Variants in CDR2 observed in about 807,000 individuals in gnomAD.
CDR2 encodes the protein cerebellar degeneration-related protein 2.
In CDR2, 34 loss-of-function variants were observed where a neutral mutation model predicts 48.4. The ratio of observed to expected loss-of-function variants is 0.70; its 90% CI spans 0.53 to 0.94. The LOEUF is 0.94. Ranked by LOEUF, CDR2 falls within the 40% of genes least tolerant of loss-of-function variation. CDR2 has a pLI of 0.00. For missense variants in CDR2, 498 were observed against 549.5 expected (o/e 0.91, Z 0.94); for synonymous variants, 240 against 219.7 (o/e 1.09, Z -0.82).
chr16:22,364,949 C>G lies in CDR2; in HGVS notation c.145G>C (p.Val49Leu), dbSNP rs767233088. 1 of 1,613,768 alleles carries G rather than the reference C, an allele frequency of 6.2e-7. No homozygotes were observed. Among genetic ancestry groups the G allele is most frequent in the Non-Finnish European group, 8.5e-7 (1 of 1,179,658 alleles). ...LDRNTELEDSVQQMYTTNQEQ... is the reference protein window; with the variant it reads ...LDRNTELEDSLQQMYTTNQEQ... The stretch of plus-strand genomic sequence containing the variant: ...TGATTGGTTGTATACATCTGCTGAA[C>G]AGAGTCCTCCAACTCTGTGTTCCGA... The change falls in exon 2 of 5, where the codon GTT (valine) becomes CTT (leucine). Residue 49 changes from valine (V) to leucine (L), a missense_variant. Val to Leu is a conservative substitution (Grantham distance 32, BLOSUM62 1). Transcript: ENST00000268383.
intron 1 of CDR2, chr16:22,368,791 A>G (rs770248172): frequency 3.3e-5 from 5 of 152,220 alleles, no homozygotes; most frequent in Non-Finnish European, 5.9e-5. Flanking sequence ...TGAGGTACTT[A>G]ATTTCTTCTA....
Position 22,374,366 on chromosome 16 carries a change from C to G in CDR2, c.-57G>C, listed in dbSNP as rs1197060341. 4 of 1,294,680 alleles carry G rather than the reference C, an allele frequency of 3.1e-6. No homozygotes were observed. Among genetic ancestry groups the G allele is most frequent in the Non-Finnish European group, 2.2e-6 (2 of 918,886 alleles). 80.2% of individuals were successfully genotyped at this position (1,294,680 alleles called of 1,614,324 possible). ...CGCCGCCGTCCCGCCTCAGCCGCTGCCCCGGGCTCTTCCCCGGCCCCTCCG... is the reference window on the plus strand; with the variant it reads ...CGCCGCCGTCCCGCCTCAGCCGCTGGCCCGGGCTCTTCCCCGGCCCCTCCG... On this transcript the variant is annotated 5_prime_UTR_variant, in exon 1 of 5. Coordinates refer to ENST00000268383, the MANE Select transcript of CDR2 (RefSeq NM_001802.2).
At chr16:22,362,255 G>A (rs1255021133) in intron 2 of CDR2, among the ~76,000 whole-genome samples, 1 of 152,132 alleles carries the variant, frequency 6.6e-6, no homozygotes, top group African/African-American at 2.4e-5. Context: ...TCATTTCCAT[G>A]ACGCTTTGCA....
chr16:22,352,174 C>T (rs747252670), intron 2 of CDR2, among the ~76,000 whole-genome samples: 6 of 152,164 alleles, frequency 3.9e-5, no homozygotes, highest in Non-Finnish European at 7.3e-5. Context: ...ATCTTTTGAA[C>T]GTGGGAGGTG....
intron 1 of CDR2, among the ~76,000 whole-genome samples, chr16:22,370,887 T>C (rs1238080797): frequency 2.6e-5 from 4 of 152,164 alleles, no homozygotes; most frequent in Admixed American, 6.5e-5. Context: ...AAACATTCTA[T>C]AGTTGTAAGA....
chr16:22,362,189 C>G (rs1051323147), intron 2 of CDR2, among the ~76,000 whole-genome samples: 1 of 152,176 alleles, frequency 6.6e-6, no homozygotes, highest in Non-Finnish European at 1.5e-5. Context: ...GCGTGAGCCA[C>G]CGCACCCGGC....
rs964197155 is a variant in CDR2 at position 22,347,290 on chromosome 16, T to C, written c.1040A>G (p.His347Arg). Residue 347 changes from histidine (H) to arginine (R), a missense_variant, in exon 5 of 5, where the codon CAC becomes CGC. By Grantham distance (29) the His-to-Arg change is conservative (BLOSUM62 0). Transcript: ENST00000268383. ...AVKQRGISLL[H>R]EVDTQYSALK... ...GGCGCTGTACTGCGTGTCCACTTCGTGCAGAAGGGAGATGCCCCTCTGTTT... is the reference window on the plus strand; with the variant it reads ...GGCGCTGTACTGCGTGTCCACTTCGCGCAGAAGGGAGATGCCCCTCTGTTT... The C allele has an allele frequency of 3.7e-6, 6 of 1,614,128 alleles. No homozygotes were observed. The highest frequency in any genetic ancestry group is 5.1e-6 in the Non-Finnish European group (6 of 1,180,050).
chr16:22,357,429 G>A (rs2048982386), intron 2 of CDR2, among the ~76,000 whole-genome samples: 1 of 152,176 alleles, frequency 6.6e-6, no homozygotes, highest in Non-Finnish European at 1.5e-5. Context: ...AAAAAATACT[G>A]GCGAACTGGC....
chr16:22,348,789 C>G (rs1306109122), intron 4 of CDR2, among the ~76,000 whole-genome samples: 1 of 152,218 alleles, frequency 6.6e-6, no homozygotes, highest in Admixed American at 6.5e-5. Context: ...ATCTGCCGTT[C>G]CGTTAGACTG....
At position 22,349,270 on chromosome 16, in the gene CDR2, G is replaced by A. The variant is rs2048926079; in HGVS notation, c.506+9C>T. On this transcript the variant is annotated intron_variant, in intron 4 of 4. Coordinates refer to ENST00000268383, the MANE Select transcript of CDR2 (RefSeq NM_001802.2). ...CCTGCTGTAACTCCACAGAAAGGCA[G>A]GCTCTTACTGGCGGAGGTCATACAG... 6.2e-7 allele frequency: 1 copy of A among 1,614,032 alleles called. No individual in the cohort carries two copies. The highest frequency in any genetic ancestry group is 8.5e-7 in the Non-Finnish European group (1 of 1,179,916).
At chr16:22,350,856 GAAAT>G (rs2048937174) in intron 2 of CDR2, among the ~76,000 whole-genome samples, 1 of 152,122 alleles carries the variant, frequency 6.6e-6, no homozygotes, top group Non-Finnish European at 1.5e-5. Context: ...ATGTTTAACA[GAAAT>G]AAAGCCTAAC....
At chr16:22,349,677 C>T in intron 3 of CDR2, 24 bp downstream of exon 3, 1 of 1,612,528 alleles carries the variant, frequency 6.2e-7, no homozygotes, top group Non-Finnish European at 8.5e-7. Context: ...CTAGTCCTTC[C>T]TTGTCAGATT....
chr16:22,352,889 C>T (rs779230247), intron 2 of CDR2, among the ~76,000 whole-genome samples: 2 of 152,132 alleles, frequency 1.3e-5, no homozygotes, highest in African/African-American at 2.4e-5. Context: ...AATTCTCATG[C>T]GTGAAGCTTT....
chr16:22,353,471 G>A (rs2048955701), intron 2 of CDR2, among the ~76,000 whole-genome samples: 1 of 152,154 alleles, frequency 6.6e-6, no homozygotes. Flanking sequence ...ATAAATATGT[G>A]TGTGGGAGAG....
At chr16:22,362,596 A>C (rs1206328945) in intron 2 of CDR2, among the ~76,000 whole-genome samples, 2 of 152,382 alleles carry the variant, frequency 1.3e-5, no homozygotes, top group Middle Eastern at 3.4e-3. Flanking sequence ...AACCTCATAG[A>C]CTACGATAAT....
At chr16:22,367,672 T>C (rs542932058) in intron 1 of CDR2, among the ~76,000 whole-genome samples, 41 of 152,354 alleles carry the variant, frequency 2.7e-4, no homozygotes, top group Admixed American at 4.6e-4. Flanking sequence ...CCACTACTCA[T>C]AGTAAAACTT....
At chr16:22,365,360 G>T (rs996623132) in intron 1 of CDR2, among the ~76,000 whole-genome samples, 1 of 152,022 alleles carries the variant, frequency 6.6e-6, no homozygotes, top group East Asian at 1.9e-4. Context: ...TTTTTGAATG[G>T]ACCCTTGAGC....
At chr16:22,354,017 A>G (rs990624292) in intron 2 of CDR2, among the ~76,000 whole-genome samples, 4 of 152,220 alleles carry the variant, frequency 2.6e-5, no homozygotes, top group African/African-American at 9.6e-5. Context: ...AAATTGCTCA[A>G]TAAGGAGAAG....
At chr16:22,352,351 G>A (rs1598291642) in intron 2 of CDR2, among the ~76,000 whole-genome samples, 1 of 150,578 alleles carries the variant, frequency 6.6e-6, no homozygotes, top group Admixed American at 6.6e-5. Context: ...CCCTTAAAGT[G>A]TTGAAAAAAG....
Sources: gnomAD v4.1 joint callset for allele counts (sites outside exome capture counted in the v4.1 genomes callset) on GRCh38, gnomAD v4.1.1 for gene constraint, MANE v1.5 for transcripts, NCBI Gene and HGNC (gene_info 2026-07-23, HGNC 2026-07-21) for gene names.